The following ADAM32 variants were observed in gnomAD, a reference collection of about 807,000 sequenced individuals.
ADAM32 encodes the protein disintegrin and metalloproteinase domain-containing protein 32.
A neutral mutation model predicts 114.9 loss-of-function variants in ADAM32; 89 were observed. That is an observed-to-expected ratio of 0.77 (90% CI 0.65 to 0.92). The LOEUF is 0.92. Among genes scored for constraint, ADAM32 ranks in the 40% least tolerant of loss-of-function variants. The probability of loss-of-function intolerance (pLI) is 0.00; values close to 1 mark genes in which losing one functional copy is unlikely to be tolerated. For missense variants in ADAM32, 870 were observed against 932.8 expected, an observed-to-expected ratio of 0.93 and a Z score of 0.88; for synonymous variants, 285 against 307.5, an observed-to-expected ratio of 0.93 and a Z score of 0.77.
intron 20 of ADAM32, 47 bp downstream of exon 20, chr8:39,270,961 A>T: frequency 6.5e-7 from 1 of 1,540,006 alleles, no homozygotes; most frequent in Non-Finnish European, 8.9e-7. Context: ...GAAAATTAAG[A>T]GTTAATTGAT....
chr8:39,164,945 G>A, intron 8 of ADAM32, 85 bp from the exon 9 acceptor site: 1 of 1,493,112 alleles, frequency 6.7e-7, no homozygotes, highest in Non-Finnish European at 9.1e-7. Flanking sequence ...AACTGAGTGT[G>A]GGATTGTAAA....
chr8:39,230,746 G>T (rs1330427402), intron 14 of ADAM32, among the ~76,000 whole-genome samples: 1 of 151,972 alleles, frequency 6.6e-6, no homozygotes, highest in East Asian at 1.9e-4. Context: ...ACAGCAGAAA[G>T]AAAAAAATGT....
intron 14 of ADAM32, chr8:39,223,462 G>A (rs867137059): frequency 1.1e-4 from 26 of 244,154 alleles, no homozygotes; most frequent in African/African-American, 3.2e-4. Context: ...ACATATACGC[G>A]CTAATTCTTC....
At chr8:39,211,737 A>G (rs952881879) in intron 12 of ADAM32, among the ~76,000 whole-genome samples, 3 of 152,220 alleles carry the variant, frequency 2.0e-5, no homozygotes, top group Non-Finnish European at 2.9e-5. Flanking sequence ...CAATATGAAC[A>G]CTAGATATTT....
chr8:39,273,604 A>T (rs911008675), intron 20 of ADAM32, among the ~76,000 whole-genome samples: 1 of 152,326 alleles, frequency 6.6e-6, no homozygotes, highest in South Asian at 2.1e-4. Flanking sequence ...TATCATTATC[A>T]TGTATTTTGT....
At chr8:39,129,366 T>G (rs1802306602) in intron 2 of ADAM32, among the ~76,000 whole-genome samples, 1 of 152,170 alleles carries the variant, frequency 6.6e-6, no homozygotes, top group African/African-American at 2.4e-5. Context: ...CTTTATCATG[T>G]TCAGGAGGTT....
chr8:39,270,925 TAGA>T lies in ADAM32; in HGVS notation c.2201+14_2201+16del, dbSNP rs1430958210. 7 of 1,602,690 alleles carry T rather than the reference TAGA, an allele frequency of 4.4e-6. No individual in the cohort carries two copies. Among genetic ancestry groups the T allele is most frequent in the Admixed American group, 1.7e-5 (1 of 58,088 alleles). ...GACATATGCCAGCCAGTAAGTAGTT[TAGA>T]AGGTGTTTTTAAGATACATGTTGAA... is the stretch of plus-strand genomic sequence containing the variant. On this transcript the variant is annotated intron_variant, in intron 20 of 24. Transcript: ENST00000379907.
intron 19 of ADAM32, among the ~76,000 whole-genome samples, chr8:39,267,979 T>C (rs762939544): frequency 6.6e-6 from 1 of 152,198 alleles, no homozygotes; most frequent in Non-Finnish European, 1.5e-5. Context: ...AGTCTGGCCT[T>C]GAAAGCAGGG....
chr8:39,167,398 C>T (rs1804908841), intron 9 of ADAM32: 1 of 152,170 alleles, frequency 6.6e-6, no homozygotes, highest in Non-Finnish European at 1.5e-5. Context: ...TTCCATTGAT[C>T]TACATGCCTA....
intron 2 of ADAM32, among the ~76,000 whole-genome samples, chr8:39,130,601 T>G (rs906195791): frequency 1.1e-4 from 17 of 152,202 alleles, no homozygotes; most frequent in Non-Finnish European, 2.1e-4. Flanking sequence ...TGTGTTTTTG[T>G]TTTCATTCAG....
intron 19 of ADAM32, among the ~76,000 whole-genome samples, chr8:39,261,056 C>A (rs969240071): frequency 6.6e-6 from 1 of 152,056 alleles, no homozygotes; most frequent in Admixed American, 6.6e-5. Flanking sequence ...AAATATTTAT[C>A]ATTTCTTTGT....
intron 19 of ADAM32, among the ~76,000 whole-genome samples, chr8:39,267,999 C>T (rs1812475609): frequency 1.3e-5 from 2 of 152,166 alleles, no homozygotes; most frequent in South Asian, 4.1e-4. Flanking sequence ...GTACAAAGGA[C>T]AAGCAAACTT....
chr8:39,271,180 A>G (rs1015958593), intron 20 of ADAM32, among the ~76,000 whole-genome samples: 1 of 152,222 alleles, frequency 6.6e-6, no homozygotes, highest in Non-Finnish European at 1.5e-5. Flanking sequence ...ATTAGTAAAG[A>G]AAAAGAATGT....
intron 14 of ADAM32, chr8:39,224,034 CTATA>C (rs1350295750): frequency 6.6e-6 from 1 of 151,984 alleles, no homozygotes; most frequent in African/African-American, 2.4e-5. Context: ...ATGTATATAT[CTATA>C]TAAACACAGA....
At chr8:39,241,132 C>T (rs1810524329) in intron 16 of ADAM32, among the ~76,000 whole-genome samples, 2 of 152,186 alleles carry the variant, frequency 1.3e-5, no homozygotes, top group African/African-American at 4.8e-5. Flanking sequence ...AATCTTAAAG[C>T]TCCAAAATGA....
intron 11 of ADAM32, among the ~76,000 whole-genome samples, chr8:39,202,365 T>C (rs1364796571): frequency 6.6e-6 from 1 of 152,204 alleles, no homozygotes; most frequent in Non-Finnish European, 1.5e-5. Flanking sequence ...GGAGGGTGTA[T>C]GTGTCCAGGA....
chr8:39,262,785 A>T (rs1236293480), intron 19 of ADAM32, among the ~76,000 whole-genome samples: 1 of 151,800 alleles, frequency 6.6e-6, no homozygotes, highest in Non-Finnish European at 1.5e-5. Context: ...GGCTCACTGC[A>T]ATTTCCCCCT....
In ADAM32 at chr8:39,204,645, A is replaced by G. The variant is rs544331124; in HGVS notation, c.1053-6499A>G. Among the ~76,000 whole-genome samples the G allele has an allele frequency of 2.0e-5, 3 of 152,306 alleles. No homozygotes were observed. The East Asian group carries it at 5.8e-4, about 29-fold the overall frequency. ...TCTCAACTCATCAAAGTCATTCTCC[A>G]TACAGCTTTGTTCCATTGCTGGCGA... On this transcript the variant is annotated intron_variant, in intron 11 of 24. Transcript: ENST00000379907.
At chr8:39,126,494 T>C (rs1484833895) in intron 2 of ADAM32, among the ~76,000 whole-genome samples, 1 of 152,188 alleles carries the variant, frequency 6.6e-6, no homozygotes, top group East Asian at 1.9e-4. Context: ...TGTTGGTGTA[T>C]AGGAATGCTA....
Sources: gnomAD v4.1 joint callset for allele counts (sites outside exome capture counted in the v4.1 genomes callset) on GRCh38, gnomAD v4.1.1 for gene constraint, MANE v1.5 for transcripts, NCBI Gene and HGNC (gene_info 2026-07-23, HGNC 2026-07-21) for gene names.